Variants in KCNH8 observed in about 807,000 individuals in gnomAD.
KCNH8 encodes the protein potassium voltage-gated channel subfamily H member 8, also known as voltage-gated delayed rectifier potassium channel KCNH8.
A neutral mutation model predicts 103.6 loss-of-function variants in KCNH8; 70 were observed. The ratio of observed to expected loss-of-function variants is 0.68; its 90% confidence interval spans 0.56 to 0.82. The LOEUF (loss-of-function observed/expected upper bound fraction) is 0.82, where lower values mean the gene tolerates loss of function less well. Among genes scored for constraint, KCNH8 ranks in the 40% least tolerant of loss-of-function variants. The pLI is 0.00. For missense variants in KCNH8, 1,217 were observed against 1,329.9 expected (o/e 0.92, Z 1.32); for synonymous variants, 498 against 489.4 (o/e 1.02, Z -0.23).
chr3:19,298,648 C>A (rs2125287467), intron 3 of KCNH8, among the ~76,000 whole-genome samples: 1 of 152,258 alleles, frequency 6.6e-6, no homozygotes, highest in South Asian at 2.1e-4. Flanking sequence ...ACAGGCTGGG[C>A]AGAGTGGCTC....
chr3:19,267,013 G>A (rs1046674786), intron 2 of KCNH8, among the ~76,000 whole-genome samples: 2 of 152,030 alleles, frequency 1.3e-5, no homozygotes, highest in Admixed American at 6.6e-5. Flanking sequence ...GGAAGTGACC[G>A]GGTTGTTCTA....
At chr3:19,276,618 C>T (rs1259969307) in intron 2 of KCNH8, among the ~76,000 whole-genome samples, 1 of 152,018 alleles carries the variant, frequency 6.6e-6, no homozygotes, top group African/African-American at 2.4e-5. Flanking sequence ...TATACCTGCA[C>T]CTCCTTGTAT....
chr3:19,204,403 C>G (rs927582907), intron 1 of KCNH8, among the ~76,000 whole-genome samples: 3 of 151,800 alleles, frequency 2.0e-5, no homozygotes, highest in Non-Finnish European at 4.4e-5. Flanking sequence ...ATGGTACTCT[C>G]TCTTGCTGGG....
chr3:19,336,596 T>G (rs986856096), intron 3 of KCNH8, among the ~76,000 whole-genome samples: 1 of 151,880 alleles, frequency 6.6e-6, no homozygotes, highest in African/African-American at 2.4e-5. Context: ...TCCCTATAAT[T>G]TTATTTATTT....
At chr3:19,532,062 AC>A (rs1490103508) in intron 15 of KCNH8, among the ~76,000 whole-genome samples, 1 of 152,254 alleles carries the variant, frequency 6.6e-6, no homozygotes, top group East Asian at 1.9e-4. Context: ...TTTGAAGAAT[AC>A]AAATCTTTTA....
chr3:19,276,127 T>G (rs113345548), intron 2 of KCNH8, among the ~76,000 whole-genome samples: 173 of 152,028 alleles, frequency 1.1e-3, no homozygotes, highest in African/African-American at 4.0e-3. Context: ...CATAGCAGCC[T>G]TGTTTACTCA....
chr3:19,352,868 A>T, intron 5 of KCNH8, among the ~76,000 whole-genome samples: 1 of 152,242 alleles, frequency 6.6e-6, no homozygotes, highest in East Asian at 1.9e-4. Context: ...GCAGATGGCA[A>T]GAAATAACTA....
chr3:19,205,689 CTG>C (rs2125221047), intron 1 of KCNH8, among the ~76,000 whole-genome samples: 1 of 151,846 alleles, frequency 6.6e-6, no homozygotes, highest in East Asian at 1.9e-4. Flanking sequence ...AGGAAGATCT[CTG>C]TGAAAAGTCT....
chr3:19,214,959 C>T (rs2063804438), intron 1 of KCNH8, among the ~76,000 whole-genome samples: 2 of 152,190 alleles, frequency 1.3e-5, no homozygotes, highest in Admixed American at 1.3e-4. Context: ...ATTATTGATG[C>T]ACCAATATCT....
chr3:19,361,595 A>G (rs995637358), intron 5 of KCNH8, among the ~76,000 whole-genome samples: 1 of 152,154 alleles, frequency 6.6e-6, no homozygotes, highest in African/African-American at 2.4e-5. Flanking sequence ...TAACTCACCA[A>G]TCGGCATTAC....
chr3:19,356,264 A>G (rs984783746), intron 5 of KCNH8, among the ~76,000 whole-genome samples: 5 of 151,970 alleles, frequency 3.3e-5, no homozygotes, highest in Admixed American at 3.3e-4. Context: ...TTAATGATAA[A>G]GAAATTTATT....
Position 19,533,948 on chromosome 3 carries a change from G to A in KCNH8, c.3173G>A (p.Gly1058Glu), listed in dbSNP as rs776756537. Residue 1058 changes from glycine (G) to glutamate (E), a missense_variant, in exon 16 of 16, where the codon GGA becomes GAA. Physicochemically the swap from Gly to Glu is moderately conservative, Grantham distance 98. This residue lies in a region of KCNH8 where 558 missense variants were observed against 495.8 expected (regional missense o/e 1.13). Transcript: ENST00000328405. ...TCAGAGGAGGGCAGCTTCAGTCAGG[G>A]AACTGTGAGTTCCTTCAGTCTGGAA... is the stretch of plus-strand genomic sequence containing the variant. ...SRSEEGSFSQ[G>E]TVSSFSLENL... 1 of 1,614,162 alleles carries A rather than the reference G, an allele frequency of 6.2e-7. No individual in the cohort carries two copies. Among genetic ancestry groups the A allele is most frequent in the African/African-American group, 1.3e-5 (1 of 75,056 alleles).
chr3:19,521,847 T>C (rs1395396942), intron 15 of KCNH8, among the ~76,000 whole-genome samples: 2 of 151,956 alleles, frequency 1.3e-5, no homozygotes, highest in Admixed American at 6.6e-5. Flanking sequence ...CATATACTAG[T>C]TTAACAATGT....
intron 7 of KCNH8, among the ~76,000 whole-genome samples, chr3:19,416,965 G>A (rs564630557): frequency 3.3e-5 from 5 of 151,900 alleles, no homozygotes; most frequent in Non-Finnish European, 7.4e-5. Context: ...AGTGTTTGTA[G>A]GATTTAAGAG....
At chr3:19,463,052 T>C (rs1241256505) in intron 11 of KCNH8, among the ~76,000 whole-genome samples, 1 of 152,142 alleles carries the variant, frequency 6.6e-6, no homozygotes, top group Non-Finnish European at 1.5e-5. Context: ...AACAATACAG[T>C]ATAACAACTA....
intron 1 of KCNH8, among the ~76,000 whole-genome samples, chr3:19,176,844 A>G (rs1395635090): frequency 6.6e-6 from 1 of 152,132 alleles, no homozygotes; most frequent in Admixed American, 6.5e-5. Flanking sequence ...ATTTCTCCTA[A>G]AGGAGATATA....
intron 1 of KCNH8, among the ~76,000 whole-genome samples, chr3:19,202,137 G>T (rs1184599340): frequency 1.3e-5 from 2 of 152,132 alleles, no homozygotes; most frequent in Non-Finnish European, 2.9e-5. Context: ...GCTGGCAGTG[G>T]AAAGGGACTT....
At chr3:19,482,074 T>C (rs1045486778) in intron 11 of KCNH8, among the ~76,000 whole-genome samples, 5 of 152,132 alleles carry the variant, frequency 3.3e-5, no homozygotes, top group African/African-American at 7.2e-5. Flanking sequence ...AGGGTGTCCA[T>C]GTGAGAGGGT....
intron 1 of KCNH8, among the ~76,000 whole-genome samples, chr3:19,214,503 C>T (rs1223989427): frequency 6.6e-6 from 1 of 152,216 alleles, no homozygotes; most frequent in Non-Finnish European, 1.5e-5. Context: ...AAAGCCAGCT[C>T]CTTTGACTTA....
Sources: gnomAD v4.1 joint callset for allele counts (sites outside exome capture counted in the v4.1 genomes callset) on GRCh38, gnomAD v4.1.1 for gene constraint, gnomAD v4.1.1 regional missense constraint, MANE v1.5 for transcripts, NCBI Gene and HGNC (gene_info 2026-07-23, HGNC 2026-07-21) for gene names.